Variants in SLC25A28 observed in about 807,000 individuals in gnomAD.
SLC25A28 encodes the protein mitoferrin-2.
In SLC25A28, 10 loss-of-function variants were observed where a neutral mutation model predicts 31.9. The ratio of observed to expected loss-of-function variants is 0.31; its 90% CI spans 0.19 to 0.53. The LOEUF is 0.53. SLC25A28 is among the 20% of genes least tolerant of loss of function. SLC25A28 has a pLI of 0.95. For synonymous variants in SLC25A28, 208 were observed against 203.6 expected (o/e 1.02, Z -0.19); for missense variants, 256 against 490.3 (o/e 0.52, Z 4.51).
At position 99,610,537 on chromosome 10, in the gene SLC25A28, T is replaced by G; in HGVS notation, c.*312A>C. 3.4e-6 allele frequency: 1 copy of G among 290,996 alleles called. No homozygotes were observed. Among genetic ancestry groups the G allele is most frequent in the Non-Finnish European group, 6.5e-6 (1 of 154,916 alleles). The allele number at this position is 290,996 out of a possible 1,614,324, so 18.0% of individuals were successfully genotyped here. A position where few individuals can be genotyped will look rare whatever the true frequency, so the allele number is the denominator to read the frequency against. On this transcript the variant is annotated 3_prime_UTR_variant, in exon 4 of 4. Coordinates refer to ENST00000370495, the MANE Select transcript of SLC25A28 (RefSeq NM_031212.4). ...AATGAAACCATTTAATTTAAAGGCTTTTTATTAGGAACCAGGGGAATGAGC... is the reference window on the plus strand; with the variant it reads ...AATGAAACCATTTAATTTAAAGGCTGTTTATTAGGAACCAGGGGAATGAGC...
the SLC25A28 span, among the ~76,000 whole-genome samples, chr10:99,634,007 G>A: frequency 6.6e-6 from 1 of 152,352 alleles, no homozygotes; most frequent in African/African-American, 2.4e-5. Flanking sequence ...CCAGCCTGGG[G>A]CTGGGTAGAC....
the SLC25A28 span, among the ~76,000 whole-genome samples, chr10:99,652,440 T>C: frequency 6.6e-6 from 1 of 152,138 alleles, no homozygotes; most frequent in Non-Finnish European, 1.5e-5. Context: ...TGCCCCTTTT[T>C]TTTTGTCCCA....
rs1389879503 is a variant in SLC25A28, at chr10:99,612,498, T to C, written c.577+45A>G. The C allele has an allele frequency of 1.7e-5, 28 of 1,602,862 alleles. No individual in the cohort carries two copies. The Admixed American group carries it at 4.4e-4, about 25-fold the overall frequency. On this transcript the variant is annotated intron_variant, in intron 3 of 3. Transcript: ENST00000370495. ...CTTTCTTCTGCAAACTGTAAAGAAA[T>C]ACAGGTGCAGCTGCCCACAGAGTGA...
rs1265822242 is a variant in SLC25A28, at chr10:99,611,412, C to T, written c.578-46G>A. On this transcript the variant is annotated intron_variant, in intron 3 of 3. Transcript: ENST00000370495. This position sits in a 1 kb window ranked among gnomAD's most constrained non-coding sequence, Gnocchi z 5.5. ...GAAGGAAATGGTGACAGCAGCCAAC[C>T]GGTGATGGAGAGTATCCAGATTCAG... 1.9e-6 allele frequency: 3 copies of T among 1,599,858 alleles called. No individual in the cohort carries two copies. The highest frequency in any genetic ancestry group is 2.6e-6 in the Non-Finnish European group (3 of 1,172,284).
chr10:99,623,130 C>T (rs1273176654), upstream of SLC25A28, among the ~76,000 whole-genome samples: 1 of 152,138 alleles, frequency 6.6e-6, no homozygotes, highest in East Asian at 1.9e-4. Flanking sequence ...AGGAGCCAGT[C>T]ATGACAGACT....
chr10:99,637,467 T>C, the SLC25A28 span, among the ~76,000 whole-genome samples: 2 of 152,048 alleles, frequency 1.3e-5, no homozygotes, highest in African/African-American at 4.8e-5. Context: ...AGAAAGGACA[T>C]TCAAATAGGT....
chr10:99,617,777 T>C (rs560144766), intron 1 of SLC25A28: 177 of 985,448 alleles, frequency 1.8e-4, no homozygotes, highest in Non-Finnish European at 2.0e-4. Context: ...AATCATTATT[T>C]CCTTAATAGA....
At position 99,613,371 on chromosome 10, in the gene SLC25A28, CT is replaced by C; in HGVS notation, c.520+324del. 1 of 1,213,786 alleles carries C rather than the reference CT, an allele frequency of 8.2e-7. No homozygotes were observed. Among genetic ancestry groups the C allele is most frequent in the Non-Finnish European group, 1.0e-6 (1 of 963,714 alleles). 75.2% of individuals were successfully genotyped at this position (1,213,786 alleles called of 1,614,324 possible). A position where few individuals can be genotyped will look rare whatever the true frequency, so the allele number is the denominator to read the frequency against. ...CCCTAAGGAGCAGGACACCACCCAA[CT>C]GTCAAACATAGACTGGGGGTAGTTC... On this transcript the variant is annotated intron_variant, in intron 2 of 3. Coordinates refer to ENST00000370495, the MANE Select transcript of SLC25A28 (RefSeq NM_031212.4). This position sits in a 1 kb window ranked among gnomAD's most constrained non-coding sequence, Gnocchi z 4.9.
In SLC25A28 at chr10:99,610,709, A is replaced by G. The variant is rs1401038068; in HGVS notation, c.*140T>C. On this transcript the variant is annotated 3_prime_UTR_variant, in exon 4 of 4. Transcript: ENST00000370495. ...ACAGAGGTTGGCAGGAACTGGTGTTAGTCAAAACACCAAAATCCTGGGGGA... is the reference window on the plus strand; with the variant it reads ...ACAGAGGTTGGCAGGAACTGGTGTTGGTCAAAACACCAAAATCCTGGGGGA... 2.9e-6 allele frequency: 3 copies of G among 1,047,046 alleles called. No individual in the cohort carries two copies. The highest frequency in any genetic ancestry group is 4.1e-6 in the Non-Finnish European group (3 of 726,646). The allele number at this position is 1,047,046 out of a possible 1,614,324, so 64.9% of individuals were successfully genotyped here.
upstream of SLC25A28, among the ~76,000 whole-genome samples, chr10:99,624,378 G>T (rs2034846882): frequency 6.6e-6 from 1 of 151,970 alleles, no homozygotes; most frequent in Non-Finnish European, 1.5e-5. Flanking sequence ...TTACAGGTGT[G>T]AGCCACCACG....
chr10:99,615,897 G>T (rs1318212218), intron 1 of SLC25A28: 3 of 985,218 alleles, frequency 3.0e-6, no homozygotes, highest in South Asian at 4.7e-5. Context: ...GAACGGTTTG[G>T]CTTCGGAGGC....
the SLC25A28 span, among the ~76,000 whole-genome samples, chr10:99,637,962 G>A: frequency 9.9e-5 from 15 of 152,102 alleles, no homozygotes; most frequent in Admixed American, 3.9e-4. Flanking sequence ...AAATTCATAT[G>A]GAACCAAAAA....
chr10:99,622,233 T>TG (rs943079900), upstream of SLC25A28, among the ~76,000 whole-genome samples: 2 of 152,156 alleles, frequency 1.3e-5, no homozygotes, highest in African/African-American at 4.8e-5. Flanking sequence ...CTCAGCTACT[T>TG]GGGGGAGGAT....
chr10:99,620,177 T>C lies in SLC25A28; in HGVS notation c.159A>G (p.Val53=). Residue 53 remains valine (V), a synonymous_variant, in exon 1 of 4, where the codon GTA becomes GTG. Transcript: ENST00000370495. ...CCGGGCCGGAGTCCGGATCTTGTCG[T>C]ACCGGGGGCCTGCAGGCCCCGGCCT... ...GGEAGACRPP[V]RQDPDSGPDY... 2 of 1,528,878 alleles carry C rather than the reference T, an allele frequency of 1.3e-6. No homozygotes were observed. The highest frequency in any genetic ancestry group is 8.7e-7 in the Non-Finnish European group (1 of 1,144,062). 94.7% of individuals were successfully genotyped at this position (1,528,878 alleles called of 1,614,324 possible). A position where few individuals can be genotyped will look rare whatever the true frequency, so the allele number is the denominator to read the frequency against.
chr10:99,651,209 A>G, the SLC25A28 span, among the ~76,000 whole-genome samples: 1 of 152,114 alleles, frequency 6.6e-6, no homozygotes, highest in Admixed American at 6.5e-5. Flanking sequence ...TCTTTAAAAT[A>G]TATCTACTTA....
In SLC25A28 at chr10:99,613,900, C is replaced by G. The variant is rs1208946184; in HGVS notation, c.316G>C (p.Asp106His). ...ACATTGCGATAGCGGGCAGCTGGGT[C>G]AGGCTGTAGACTCTGCATCCGGGTC... ...VKTRMQSLQP[D>H]PAARYRNVLE... Residue 106 changes from aspartate to histidine, a missense_variant, in exon 2 of 4, where the codon GAC becomes CAC. By Grantham distance (81) the Asp-to-His change is moderately conservative (BLOSUM62 -1). Coordinates refer to ENST00000370495, the MANE Select transcript of SLC25A28 (RefSeq NM_031212.4). The surrounding 1 kb of genome is among the most constrained non-coding windows in gnomAD (Gnocchi z 4.9). 8 of 1,612,624 alleles carry G rather than the reference C, an allele frequency of 5.0e-6. No homozygotes were observed. The highest frequency in any genetic ancestry group is 6.8e-6 in the Non-Finnish European group (8 of 1,179,246).
At chr10:99,656,910 G>A in the SLC25A28 span, among the ~76,000 whole-genome samples, 1 of 152,208 alleles carries the variant, frequency 6.6e-6, no homozygotes, top group Non-Finnish European at 1.5e-5. Flanking sequence ...CCTATGAGCT[G>A]TTAACCAGAT....
intron 3 of SLC25A28, 123 bp downstream of exon 3, chr10:99,612,420 G>A: frequency 9.3e-7 from 1 of 1,080,668 alleles, no homozygotes; most frequent in Non-Finnish European, 1.4e-6. Context: ...CATGGAGGGA[G>A]CACCCTCTAG....
chr10:99,619,107 C>T, intron 1 of SLC25A28: 3 of 985,412 alleles, frequency 3.0e-6, no homozygotes, highest in Non-Finnish European at 1.2e-6. Context: ...CTGTTTCTTT[C>T]TTCACCCAGC....
Sources: allele counts gnomAD v4.1 joint callset (sites outside exome capture counted in the v4.1 genomes callset), GRCh38; gene constraint gnomAD v4.1.1; non-coding constraint Gnocchi (gnomAD v3.1); transcripts MANE v1.5; gene names NCBI Gene and HGNC (gene_info 2026-07-23, HGNC 2026-07-21).